SLC38A3: variants seen among roughly 807,000 people sequenced by gnomAD.
SLC38A3 encodes the protein sodium-coupled neutral amino acid transporter 3.
Under a neutral mutation model 59.5 loss-of-function variants are expected in SLC38A3, and 17 were observed. The ratio of observed to expected loss-of-function variants is 0.29; its 90% confidence interval spans 0.20 to 0.43. SLC38A3 has a LOEUF of 0.43. SLC38A3 is among the 20% of genes least tolerant of loss of function. The probability of loss-of-function intolerance (pLI) is 1.00; values close to 1 mark genes in which losing one functional copy is unlikely to be tolerated. For missense variants in SLC38A3, 454 were observed against 653.9 expected (o/e 0.69, Z 3.33); for synonymous variants, 238 against 260.3 (o/e 0.91, Z 0.82).
At chr3:50,213,421 T>A (rs558841927) in intron 1 of SLC38A3, among the ~76,000 whole-genome samples, 19 of 152,246 alleles carry the variant, frequency 1.2e-4, no homozygotes, top group Non-Finnish European at 2.5e-4. Flanking sequence ...GGAGCACCCG[T>A]TTCCTGGAAG....
At chr3:50,219,858 T>C (rs587692623) in intron 14 of SLC38A3, 23 bp from the exon 15 acceptor site, 23 of 1,588,414 alleles carry the variant, frequency 1.4e-5, no homozygotes, top group Non-Finnish European at 2.0e-5. Context: ...GAGCCAGCAG[T>C]GGCCATGTCT....
chr3:50,219,785 C>G, intron 14 of SLC38A3, 96 bp from the exon 15 acceptor site: 3 of 1,013,768 alleles, frequency 3.0e-6, no homozygotes, highest in Non-Finnish European at 4.5e-6. Flanking sequence ...GAAACTCCCT[C>G]AACAAGGAGT....
Position 50,217,487 on chromosome 3 carries a change from C to T in SLC38A3, c.690+14C>T, listed in dbSNP as rs971214241. 4.3e-6 allele frequency: 7 copies of T among 1,612,358 alleles called. No individual in the cohort carries two copies. Among genetic ancestry groups the T allele is most frequent in the Non-Finnish European group, 5.9e-6 (7 of 1,179,186 alleles). The stretch of plus-strand genomic sequence containing the variant: ...TTCCTAATTGCAGTGAGTCACCCTC[C>T]ATGTTGGCTGAGAAAGCGGGCAGCG... On this transcript the variant is annotated intron_variant, in intron 9 of 15. Transcript: ENST00000614032. The surrounding 1 kb of genome is among the most constrained non-coding windows in gnomAD (Gnocchi z 4.9).
intron 1 of SLC38A3, among the ~76,000 whole-genome samples, chr3:50,210,102 C>G (rs1242383276): frequency 6.6e-6 from 1 of 152,222 alleles, no homozygotes; most frequent in South Asian, 2.1e-4. Flanking sequence ...GTCCAAATGT[C>G]TCCATTGGAT....
At position 50,219,994 on chromosome 3, in the gene SLC38A3, G is replaced by T; in HGVS notation, c.1410+10G>T. 1 of 1,608,918 alleles carries T rather than the reference G, an allele frequency of 6.2e-7. No homozygotes were observed. On this transcript the variant is annotated intron_variant, in intron 15 of 15. Coordinates refer to ENST00000614032, the MANE Select transcript of SLC38A3 (RefSeq NM_006841.6). ...CACCCCCAAAATCCTGGTGCGAGGG[G>T]CCTGGAGGCCGGTGGGCTGGTATGG...
intron 1 of SLC38A3, among the ~76,000 whole-genome samples, chr3:50,212,641 C>T (rs1699749720): frequency 6.6e-6 from 1 of 152,128 alleles, no homozygotes; most frequent in Non-Finnish European, 1.5e-5. Context: ...GAACTCTGGC[C>T]TGGGGCTGCC....
rs1016177793 is a variant in SLC38A3, at chr3:50,221,433, C to G, written c.*1256C>G. 4 of 152,248 alleles carry G rather than the reference C, an allele frequency of 2.6e-5. No homozygotes were observed. Among genetic ancestry groups the G allele is most frequent in the African/African-American group, 4.8e-5 (2 of 41,458 alleles). The allele number at this position is 152,248 out of a possible 1,614,324, so 9.4% of individuals were successfully genotyped here. ...GTCTGGGGACAAAAGTCCAGGAATC[C>G]TGTGCCCTGTTGGGCTGATCTTTTT... On this transcript the variant is annotated 3_prime_UTR_variant, in exon 16 of 16. Transcript: ENST00000614032.
Position 50,214,118 on chromosome 3 carries a change from G to C in SLC38A3, c.-51-31G>C, listed in dbSNP as rs1318547581. The stretch of plus-strand genomic sequence containing the variant: ...GGCTAGGCCGTAGGCCCAAGTAACG[G>C]GGCTAACCAGAGGGACCGGCTGCTC... On this transcript the variant is annotated intron_variant, in intron 1 of 15. Coordinates refer to ENST00000614032, the MANE Select transcript of SLC38A3 (RefSeq NM_006841.6). The surrounding 1 kb of genome is among the most constrained non-coding windows in gnomAD (Gnocchi z 6.0). 2 of 1,374,254 alleles carry C rather than the reference G, an allele frequency of 1.5e-6. No individual in the cohort carries two copies. The highest frequency in any genetic ancestry group is 3.8e-5 in the Admixed American group (2 of 52,694). The allele number at this position is 1,374,254 out of a possible 1,614,324, so 85.1% of individuals were successfully genotyped here.
At chr3:50,206,992 A>G (rs1404304031) in intron 1 of SLC38A3, among the ~76,000 whole-genome samples, 3 of 152,232 alleles carry the variant, frequency 2.0e-5, no homozygotes, top group African/African-American at 7.2e-5. Context: ...TGGGTGGTTC[A>G]TGGTCTCTGG....
At position 50,220,370 on chromosome 3, in the gene SLC38A3, C is replaced by A; in HGVS notation, c.*193C>A. 1.7e-6 allele frequency: 1 copy of A among 588,920 alleles called. No homozygotes were observed. The allele number at this position is 588,920 out of a possible 1,614,324, so 36.5% of individuals were successfully genotyped here. ...GGACCAAGGCCCTTGGGCCACTACC[C>A]TGCTAGGCTCTGGAGCTGTAGAGGC... On this transcript the variant is annotated 3_prime_UTR_variant, in exon 16 of 16. Transcript: ENST00000614032.
At position 50,218,558 on chromosome 3, in the gene SLC38A3, G is replaced by A. The variant is rs1454026962; in HGVS notation, c.1037-35G>A. ...AGCTCAGATCCCACCTCCTTCCTGG[G>A]GCCACCTACTGACCACCCTCCCTGC... On this transcript the variant is annotated intron_variant, in intron 12 of 15. Transcript: ENST00000614032. This position sits in a 1 kb window ranked among gnomAD's most constrained non-coding sequence, Gnocchi z 5.8. 1 of 1,603,340 alleles carries A rather than the reference G, an allele frequency of 6.2e-7. No individual in the cohort carries two copies. Among genetic ancestry groups the A allele is most frequent in the East Asian group, 2.2e-5 (1 of 44,674 alleles).
chr3:50,218,276 CAAG>C lies in SLC38A3; in HGVS notation c.950_952del (p.Lys317del), dbSNP rs758868563. 1.9e-6 allele frequency: 3 copies of C among 1,610,496 alleles called. No homozygotes were observed. The highest frequency in any genetic ancestry group is 1.3e-5 in the African/African-American group (1 of 74,848). ...CCCCCCCACTTCCCCACAGCCCCTC[CAAG>C]AAGAAGATGCAGCACATCTCCAACC... On this transcript the variant is annotated inframe_deletion, in exon 12 of 16. Coordinates refer to ENST00000614032, the MANE Select transcript of SLC38A3 (RefSeq NM_006841.6). This position sits in a 1 kb window ranked among gnomAD's most constrained non-coding sequence, Gnocchi z 5.8.
chr3:50,220,178 G>C lies in SLC38A3; in HGVS notation c.*1G>C. 6.3e-7 allele frequency: 1 copy of C among 1,579,568 alleles called. No individual in the cohort carries two copies. The highest frequency in any genetic ancestry group is 8.6e-7 in the Non-Finnish European group (1 of 1,160,708). On this transcript the variant is annotated 3_prime_UTR_variant, in exon 16 of 16. Coordinates refer to ENST00000614032, the MANE Select transcript of SLC38A3 (RefSeq NM_006841.6). ...CAGCCGGCATGGAGGAAACCACTAGGGTGACCCTCATCCTGTTCTGTCTAC... is the reference window on the plus strand; with the variant it reads ...CAGCCGGCATGGAGGAAACCACTAGCGTGACCCTCATCCTGTTCTGTCTAC...
In SLC38A3 at chr3:50,217,504, C is replaced by CG; in HGVS notation, c.690+34dup. 1 of 1,607,318 alleles carries CG rather than the reference C, an allele frequency of 6.2e-7. No homozygotes were observed. The highest frequency in any genetic ancestry group is 8.5e-7 in the Non-Finnish European group (1 of 1,176,312). On this transcript the variant is annotated intron_variant, in intron 9 of 15. Coordinates refer to ENST00000614032, the MANE Select transcript of SLC38A3 (RefSeq NM_006841.6). This position sits in a 1 kb window ranked among gnomAD's most constrained non-coding sequence, Gnocchi z 4.9. ...TCACCCTCCATGTTGGCTGAGAAAG[C>CG]GGGCAGCGGGTCTCCTGGGGGAGTT...
chr3:50,216,581 C>T (rs974483814), intron 7 of SLC38A3, among the ~76,000 whole-genome samples: 7 of 152,186 alleles, frequency 4.6e-5, no homozygotes, highest in African/African-American at 1.7e-4. Flanking sequence ...CCCTCTAGAA[C>T]CAGGTCCCTC....
chr3:50,214,252 A>G lies in SLC38A3; in HGVS notation c.53A>G (p.His18Arg). 6.2e-7 allele frequency: 1 copy of G among 1,613,830 alleles called. No individual in the cohort carries two copies. The highest frequency in any genetic ancestry group is 8.5e-7 in the Non-Finnish European group (1 of 1,179,842). The part of the protein sequence containing the change: ...EMVELVPNGK[H>R]SEGLLPVITP... ...GTGGAGCTGGTGCCCAATGGCAAAC[A>G]CTCAGAGGGGCTGCTCCCGGTCATC... Residue 18 changes from histidine to arginine, a missense_variant, in exon 2 of 16, where the codon CAC becomes CGC. Around this residue, in one of 3 missense-constraint regions of SLC38A3, gnomAD observed 390 missense variants for 557.9 expected, o/e 0.70. Coordinates refer to ENST00000614032, the MANE Select transcript of SLC38A3 (RefSeq NM_006841.6). This position sits in a 1 kb window ranked among gnomAD's most constrained non-coding sequence, Gnocchi z 6.0.
intron 1 of SLC38A3, among the ~76,000 whole-genome samples, chr3:50,210,214 C>T (rs568618209): frequency 6.6e-6 from 1 of 152,180 alleles, no homozygotes; most frequent in Non-Finnish European, 1.5e-5. Flanking sequence ...AGATGGGTAC[C>T]AGACTTAGGA....
At chr3:50,209,907 C>G (rs1699700752) in intron 1 of SLC38A3, among the ~76,000 whole-genome samples, 1 of 152,150 alleles carries the variant, frequency 6.6e-6, no homozygotes, top group Non-Finnish European at 1.5e-5. Context: ...CCAGTGTTGG[C>G]CACACACTGG....
Position 50,215,272 on chromosome 3 carries a change from G to A in SLC38A3, c.300-114G>A. 1.1e-6 allele frequency: 1 copy of A among 889,806 alleles called. No individual in the cohort carries two copies. Among genetic ancestry groups the A allele is most frequent in the Non-Finnish European group, 1.8e-6 (1 of 545,606 alleles). 55.1% of individuals were successfully genotyped at this position (889,806 alleles called of 1,614,324 possible). A position where few individuals can be genotyped will look rare whatever the true frequency, so the allele number is the denominator to read the frequency against. ...GGCATCCATACCTGTTGGGAGTCCA[G>A]ACACCCAGGTCACAGACCCTCCACC... On this transcript the variant is annotated intron_variant, in intron 4 of 15. Transcript: ENST00000614032. This position sits in a 1 kb window ranked among gnomAD's most constrained non-coding sequence, Gnocchi z 7.1.
Sources: allele counts gnomAD v4.1 joint callset (sites outside exome capture counted in the v4.1 genomes callset), GRCh38; gene constraint gnomAD v4.1.1; regional missense constraint gnomAD v4.1.1; non-coding constraint Gnocchi (gnomAD v3.1); transcripts MANE v1.5; gene names NCBI Gene and HGNC (gene_info 2026-07-23, HGNC 2026-07-21).